TET3: variants seen among roughly 807,000 people sequenced by gnomAD.
The protein encoded by TET3 is tet methylcytosine dioxygenase 3.
TET3 carries 19 observed loss-of-function variants against 141.4 expected under a neutral mutation model. The ratio of observed to expected loss-of-function variants is 0.13; its 90% CI spans 0.09 to 0.20. TET3 has a LOEUF of 0.20. Ranked by LOEUF, TET3 falls within the 10% of genes least tolerant of loss-of-function variation. The pLI, the probability that TET3 is intolerant of heterozygous loss-of-function variation, is 1.00. For missense variants in TET3, 1,874 were observed against 2,356.9 expected (o/e 0.80, Z 4.24); for synonymous variants, 1,043 against 980.9 (o/e 1.06, Z -1.18).
chr2:74,059,010 G>A (rs906455084), intron 4 of TET3, among the ~76,000 whole-genome samples: 1 of 152,180 alleles, frequency 6.6e-6, no homozygotes, highest in Non-Finnish European at 1.5e-5. Flanking sequence ...TTGAGTAGTT[G>A]CCCCTGAGAT....
At chr2:74,128,807 C>A in the TET3 span, among the ~76,000 whole-genome samples, 1 of 150,688 alleles carries the variant, frequency 6.6e-6, no homozygotes, top group African/African-American at 2.4e-5. Flanking sequence ...CATAGTAAGA[C>A]CTCAACTCTA....
chr2:74,085,159 A>T (rs963049369), intron 6 of TET3, among the ~76,000 whole-genome samples: 1 of 152,184 alleles, frequency 6.6e-6, no homozygotes, highest in Non-Finnish European at 1.5e-5. Context: ...GCAAAAAAAA[A>T]AAAAAGAAAA....
At chr2:74,124,077 G>T in the TET3 span, among the ~76,000 whole-genome samples, 1 of 151,320 alleles carries the variant, frequency 6.6e-6, no homozygotes, top group African/African-American at 2.4e-5. Context: ...CGCCCCATCT[G>T]CGAAGTGAGG....
chr2:73,987,299 C>T (rs1482341188), intron 2 of TET3, among the ~76,000 whole-genome samples: 4 of 152,154 alleles, frequency 2.6e-5, no homozygotes, highest in Non-Finnish European at 5.9e-5. Flanking sequence ...GGCACAATTC[C>T]TTGGCAGGTA....
chr2:74,120,371 G>A, the TET3 span, among the ~76,000 whole-genome samples: 1 of 152,264 alleles, frequency 6.6e-6, no homozygotes, highest in Non-Finnish European at 1.5e-5. Flanking sequence ...AGAGATGGCG[G>A]GCGACGTCCG....
upstream of TET3, among the ~76,000 whole-genome samples, chr2:73,984,817 C>CG (rs1683913371): frequency 6.8e-6 from 1 of 146,854 alleles, no homozygotes; most frequent in African/African-American, 2.5e-5. This position sits in a 1 kb window ranked among gnomAD's most constrained non-coding sequence, Gnocchi z 5.6. Context: ...GGGGCCCGGC[C>CG]GGGCCGGCGG....
intron 3 of TET3, among the ~76,000 whole-genome samples, chr2:74,033,394 T>C (rs1380633046): frequency 6.6e-6 from 1 of 152,278 alleles, no homozygotes; most frequent in African/African-American, 2.4e-5. Flanking sequence ...TTTCAAATAT[T>C]ATGTACTTCC....
intron 3 of TET3, among the ~76,000 whole-genome samples, chr2:74,044,835 T>C (rs1456814772): frequency 1.3e-5 from 2 of 152,224 alleles, no homozygotes; most frequent in Non-Finnish European, 1.5e-5. Flanking sequence ...GGCATTCTCT[T>C]ACATAACCCA....
intron 10 of TET3, among the ~76,000 whole-genome samples, chr2:74,098,126 G>A (rs932774708): frequency 2.0e-5 from 3 of 152,194 alleles, no homozygotes; most frequent in Non-Finnish European, 2.9e-5. Flanking sequence ...GCTGGTATGA[G>A]TGAAAAACCG....
chr2:74,047,737 T>G lies in TET3; in HGVS notation c.1820T>G (p.Ile607Ser). ...PGIKPSVRKP[I>S]QIKKSRPREA... Reference sequence around the variant, plus strand: ...ATCAAGCCCAGTGTCCGAAAGCCCATTCAGATCAAGAAGTCCAGGCCCCGG... The same window carrying G: ...ATCAAGCCCAGTGTCCGAAAGCCCAGTCAGATCAAGAAGTCCAGGCCCCGG... Residue 607 changes from isoleucine (I) to serine (S), a missense_variant, in exon 4 of 12, where the codon ATT becomes AGT. Ile to Ser is a moderately radical substitution (Grantham distance 142). This residue lies in a region of TET3 where 484 missense variants were observed against 462.2 expected (regional missense o/e 1.05). Coordinates refer to ENST00000409262, the MANE Select transcript of TET3 (RefSeq NM_001287491.2). 1 of 1,613,674 alleles carries G rather than the reference T, an allele frequency of 6.2e-7. No individual in the cohort carries two copies. Among genetic ancestry groups the G allele is most frequent in the South Asian group, 1.1e-5 (1 of 91,022 alleles).
At chr2:74,012,228 G>A (rs904733181) in intron 3 of TET3, among the ~76,000 whole-genome samples, 2 of 152,286 alleles carry the variant, frequency 1.3e-5, no homozygotes, top group East Asian at 1.9e-4. Flanking sequence ...CTCCCAAAGT[G>A]TTACAATTAC....
chr2:74,096,717 G>A (rs550816102), intron 10 of TET3, among the ~76,000 whole-genome samples: 193 of 151,048 alleles, frequency 1.3e-3, no homozygotes, highest in Non-Finnish European at 2.2e-3. Context: ...GCAGTGAGCC[G>A]AGATGGCGCC....
In TET3 at chr2:73,986,495, C is replaced by T. The variant is rs983650393; in HGVS notation, c.92C>T (p.Pro31Leu). Reference sequence around the variant, plus strand: ...CGCCAGGTGATGGTAGGGAGCTTCCCGGGGTCTGGGCTCTCCATGGCTGGG... The same window carrying T: ...CGCCAGGTGATGGTAGGGAGCTTCCTGGGGTCTGGGCTCTCCATGGCTGGG... ...PQRQVMVGSF[P>L]GSGLSMAGSE... The change falls in exon 2 of 12, where the codon CCG becomes CTG. Residue 31 changes from proline (P) to leucine (L), a missense_variant. By Grantham distance (98) the Pro-to-Leu change is moderately conservative (BLOSUM62 -3). Transcript: ENST00000409262. The T allele has an allele frequency of 4.1e-6, 5 of 1,232,166 alleles. 1 individual carries two copies. The South Asian group carries it at 1.2e-4, about 30-fold the overall frequency. The allele number at this position is 1,232,166 out of a possible 1,614,324, so 76.3% of individuals were successfully genotyped here.
At chr2:74,080,383 C>T (rs779505313) in intron 5 of TET3, 115 bp from the exon 6 acceptor site, 14 of 849,604 alleles carry the variant, frequency 1.6e-5, no homozygotes, top group Non-Finnish European at 2.5e-5. Context: ...TTCTCTGTTG[C>T]CCCCGACGGT....
At chr2:74,110,906 C>G (rs1691688398), downstream of TET3, among the ~76,000 whole-genome samples, 1 of 152,222 alleles carries the variant, frequency 6.6e-6, no homozygotes, top group Admixed American at 6.5e-5. Context: ...TCACCCCAGC[C>G]TGACCCTGCT....
At chr2:74,085,264 A>T (rs1690058753) in intron 6 of TET3, among the ~76,000 whole-genome samples, 1 of 152,032 alleles carries the variant, frequency 6.6e-6, no homozygotes, top group Non-Finnish European at 1.5e-5. Context: ...ACTGGGCTGG[A>T]ATTTCCCCCA....
intron 5 of TET3, among the ~76,000 whole-genome samples, chr2:74,075,578 G>A (rs995108002): frequency 3.3e-5 from 5 of 151,464 alleles, no homozygotes; most frequent in African/African-American, 1.2e-4. Flanking sequence ...ATCTGCCCAC[G>A]TTGGCCTCCC....
chr2:74,133,286 A>T, the TET3 span, among the ~76,000 whole-genome samples: 4 of 152,206 alleles, frequency 2.6e-5, no homozygotes, highest in Admixed American at 1.3e-4. Context: ...GAACAAACAT[A>T]TTAATTATCA....
chr2:74,014,326 G>A (rs1371258151), intron 3 of TET3, among the ~76,000 whole-genome samples: 1 of 152,032 alleles, frequency 6.6e-6, no homozygotes, highest in Non-Finnish European at 1.5e-5. Flanking sequence ...TTTTATGTCT[G>A]GAGTTCTTGG....
Sources: allele counts gnomAD v4.1 joint callset (sites outside exome capture counted in the v4.1 genomes callset), GRCh38; gene constraint gnomAD v4.1.1; regional missense constraint gnomAD v4.1.1; non-coding constraint Gnocchi (gnomAD v3.1); transcripts MANE v1.5; gene names NCBI Gene and HGNC (gene_info 2026-07-23, HGNC 2026-07-21).